Variants in NINL observed in about 807,000 individuals in gnomAD.
NINL encodes ninein like, also known as ninein-like protein.
A neutral mutation model predicts 160.3 loss-of-function variants in NINL; 153 were observed. That is an observed-to-expected ratio of 0.95 (90% CI 0.84 to 1.09). The LOEUF is 1.09. NINL is among the 50% of genes least tolerant of loss of function. NINL has a pLI of 0.00. For missense variants in NINL, 1,829 were observed against 1,764.0 expected (o/e 1.04, Z -0.66); for synonymous variants, 800 against 734.8 (o/e 1.09, Z -1.43).
At position 25,496,752 on chromosome 20, in the gene NINL, C is replaced by A. The variant is rs2063763685; in HGVS notation, c.1221G>T (p.Leu407=). Residue 407 remains leucine, a synonymous_variant, in exon 10 of 24, where the codon CTG becomes CTT. Coordinates refer to ENST00000278886, the MANE Select transcript of NINL (RefSeq NM_025176.6). ...CCAGGTTCCTCTTCTCGGCCCTCTC[C>A]AGGTCCTGCCTTGCCTTGTCACGCT... ...ARERDKARQD[L]ERAEKRNLEF... 1 of 1,614,110 alleles carries A rather than the reference C, an allele frequency of 6.2e-7. No homozygotes were observed. The highest frequency in any genetic ancestry group is 8.5e-7 in the Non-Finnish European group (1 of 1,180,030).
At chr20:25,494,343 CAT>C (rs201843114) in intron 10 of NINL, among the ~76,000 whole-genome samples, 2,538 of 151,914 alleles carry the variant, frequency 0.017, 64 homozygotes, top group Middle Eastern at 0.044. Flanking sequence ...CATGGCACCA[CAT>C]GAGTCCCACA....
At position 25,462,479 on chromosome 20, in the gene NINL, C is replaced by T. The variant is rs767635524; in HGVS notation, c.3486G>A (p.Glu1162=). The T allele has an allele frequency of 1.2e-6, 2 of 1,614,174 alleles. No individual in the cohort carries two copies. Among genetic ancestry groups the T allele is most frequent in the East Asian group, 2.2e-5 (1 of 44,886 alleles). The change falls in exon 20 of 24, where the codon GAG becomes GAA. Residue 1162 remains glutamate (E), a synonymous_variant. Transcript: ENST00000278886. ...CGTTTTGGGCCTGGTGGGTAGAAGC[C>T]TCCTGTCCCAGTTGAAGAACCCTGA... ...LNVRVLQLGQ[E]ASTHQAQNEE...
intron 8 of NINL, 142 bp downstream of exon 8, chr20:25,500,695 ACCT>A: frequency 1.5e-6 from 1 of 680,882 alleles, no homozygotes; most frequent in East Asian, 2.8e-5. Context: ...ATAGGTTTCT[ACCT>A]GGACTTCCTT....
At position 25,524,005 on chromosome 20, in the gene NINL, G is replaced by A. The variant is rs1254718488; in HGVS notation, c.180+2403C>T. On this transcript the variant is annotated intron_variant, in intron 2 of 23. Coordinates refer to ENST00000278886, the MANE Select transcript of NINL (RefSeq NM_025176.6). ...TGGATAAAGGGTTTATCTTGGTTTT[G>A]AGACTCCCTGAAATCTCTACCATTG... Among the ~76,000 whole-genome samples, 4 of 152,170 alleles carry A rather than the reference G, an allele frequency of 2.6e-5. No individual in the cohort carries two copies. The South Asian group carries it at 8.3e-4, about 32-fold the overall frequency.
rs189525329 is a variant in NINL, at chr20:25,479,991, G to A, written c.1917+170C>T. On this transcript the variant is annotated intron_variant, in intron 15 of 23. Transcript: ENST00000278886. Reference sequence around the variant, plus strand: ...TGTCCTTCCAAAGAGGGTTTGGGCAGCATGTCAGTTTTATTGCATTTCTCT... The same window carrying A: ...TGTCCTTCCAAAGAGGGTTTGGGCAACATGTCAGTTTTATTGCATTTCTCT... Among the ~76,000 whole-genome samples, 677 of 152,346 alleles carry A rather than the reference G, an allele frequency of 4.4e-3. 2 individuals carry two copies. Among genetic ancestry groups the A allele is most frequent in the Non-Finnish European group, 7.7e-3 (523 of 68,038 alleles).
chr20:25,516,486 C>T (rs1018380421), intron 3 of NINL, among the ~76,000 whole-genome samples: 1 of 152,180 alleles, frequency 6.6e-6, no homozygotes, highest in African/African-American at 2.4e-5. Flanking sequence ...CAGGTTGAGA[C>T]AATTTTAAGC....
chr20:25,462,353 G>GGGGAGCC (rs3036810), intron 20 of NINL, 30 bp downstream of exon 20: 477,162 of 1,593,682 alleles, frequency 0.3, 80,497 homozygotes, highest in African/African-American at 0.65. Flanking sequence ...CCAGCCTCCA[G>GGGGAGCC]CTCAGCTCCC....
chr20:25,479,603 G>T (rs2063343899), intron 15 of NINL, among the ~76,000 whole-genome samples: 1 of 152,194 alleles, frequency 6.6e-6, no homozygotes, highest in East Asian at 1.9e-4. Flanking sequence ...GGAGCTTCCA[G>T]TTAATCCTTC....
intron 1 of NINL, among the ~76,000 whole-genome samples, chr20:25,555,028 AC>A (rs2064850835): frequency 6.6e-6 from 1 of 152,062 alleles, no homozygotes; most frequent in Non-Finnish European, 1.5e-5. Context: ...AGCCATCAGC[AC>A]CCCGGTAACA....
chr20:25,480,375 G>A, intron 14 of NINL, 108 bp from the exon 15 acceptor site: 1 of 761,124 alleles, frequency 1.3e-6, no homozygotes, highest in Non-Finnish European at 2.3e-6. Context: ...GGGGCAGGTG[G>A]TGCTGGCTGT....
chr20:25,459,540 T>C (rs1258369663), intron 21 of NINL, among the ~76,000 whole-genome samples: 1 of 152,110 alleles, frequency 6.6e-6, no homozygotes, highest in Non-Finnish European at 1.5e-5. Flanking sequence ...TCCCGAAGGC[T>C]CGTCTCAAGA....
chr20:25,521,142 C>T (rs897408857), intron 2 of NINL, among the ~76,000 whole-genome samples: 13 of 152,226 alleles, frequency 8.5e-5, no homozygotes, highest in African/African-American at 2.9e-4. Flanking sequence ...TCTGTACCAC[C>T]TCTTTTTATA....
intron 1 of NINL, among the ~76,000 whole-genome samples, chr20:25,568,319 C>T (rs187290512): frequency 6.6e-6 from 1 of 151,206 alleles, no homozygotes; most frequent in African/African-American, 2.4e-5. Context: ...GGATAATAAA[C>T]TCCTATTATT....
chr20:25,484,520 T>C (rs1202580665), intron 13 of NINL, among the ~76,000 whole-genome samples: 1 of 152,228 alleles, frequency 6.6e-6, no homozygotes, highest in East Asian at 1.9e-4. Context: ...CTGCGGGGCA[T>C]GCCGCGGCAC....
intron 17 of NINL, among the ~76,000 whole-genome samples, chr20:25,475,162 T>C (rs2063200962): frequency 6.6e-6 from 1 of 151,260 alleles, no homozygotes; most frequent in African/African-American, 2.4e-5. Flanking sequence ...GGCAGGAGAA[T>C]CGCTTGAACC....
intron 19 of NINL, among the ~76,000 whole-genome samples, chr20:25,464,851 C>T (rs547583739): frequency 6.6e-6 from 1 of 152,212 alleles, no homozygotes; most frequent in Non-Finnish European, 1.5e-5. Context: ...CAGTTCCACC[C>T]CCTCCCATTT....
intron 9 of NINL, among the ~76,000 whole-genome samples, chr20:25,497,618 A>G (rs1028502688): frequency 6.6e-6 from 1 of 152,264 alleles, no homozygotes; most frequent in Admixed American, 6.5e-5. Context: ...CTGAATGGTC[A>G]GCCAAACCAA....
In NINL at chr20:25,476,172, G is replaced by A. The variant is rs1204939688; in HGVS notation, c.3119C>T (p.Ala1040Val). The A allele has an allele frequency of 6.2e-7, 1 of 1,614,226 alleles. No individual in the cohort carries two copies. ...DPQGSWQEQL[A>V]APEEGETKIA... ...TTTGGTCTCCCCCTCTTCTGGGGCA[G>A]CAAGCTGCTCCTGCCAGGAACCCTG... Residue 1040 changes from alanine (A) to valine (V), a missense_variant, in exon 17 of 24, where the codon GCT (alanine) becomes GTT (valine). By Grantham distance (64) the Ala-to-Val change is moderately conservative (BLOSUM62 0). Coordinates refer to ENST00000278886, the MANE Select transcript of NINL (RefSeq NM_025176.6).
chr20:25,551,250 G>A (rs1414037797), intron 1 of NINL, among the ~76,000 whole-genome samples: 2 of 152,154 alleles, frequency 1.3e-5, no homozygotes, highest in Non-Finnish European at 2.9e-5. Flanking sequence ...ATTTTTCTTA[G>A]TACAGAACAA....
Sources: allele counts gnomAD v4.1 joint callset (sites outside exome capture counted in the v4.1 genomes callset), GRCh38; gene constraint gnomAD v4.1.1; transcripts MANE v1.5; gene names NCBI Gene and HGNC (gene_info 2026-07-23, HGNC 2026-07-21).